PLXNC1: variants seen among roughly 807,000 people sequenced by gnomAD.
PLXNC1 encodes the protein plexin-C1.
In PLXNC1, 75 loss-of-function variants were observed where a neutral mutation model predicts 178.2. That is an observed-to-expected ratio of 0.42 (90% confidence interval 0.35 to 0.51). The LOEUF (loss-of-function observed/expected upper bound fraction) is 0.51, where lower values mean the gene tolerates loss of function less well. Among genes scored for constraint, PLXNC1 ranks in the 20% least tolerant of loss-of-function variants. PLXNC1 has a pLI of 0.02. For missense variants in PLXNC1, 1,503 were observed against 1,984.4 expected (o/e 0.76, Z 4.61); for synonymous variants, 790 against 779.9 (o/e 1.01, Z -0.22).
At chr12:94,256,387 G>A (rs1964840067) in intron 17 of PLXNC1, 1 of 152,080 alleles carries the variant, frequency 6.6e-6, no homozygotes, top group African/African-American at 2.4e-5. Flanking sequence ...ATATTTTTTG[G>A]TCCAAGCCTT....
At chr12:94,283,803 G>C (rs1247402255) in intron 23 of PLXNC1, among the ~76,000 whole-genome samples, 1 of 152,192 alleles carries the variant, frequency 6.6e-6, no homozygotes, top group Admixed American at 6.5e-5. Context: ...CAGGGTCTGG[G>C]CCAGGCGTGG....
At chr12:94,262,763 G>C in intron 20 of PLXNC1, 2 of 985,480 alleles carry the variant, frequency 2.0e-6, no homozygotes, top group Non-Finnish European at 2.4e-6. Context: ...GTGACCGCCA[G>C]GTAACTTTCC....
At chr12:94,194,355 T>A (rs1178000591) in intron 4 of PLXNC1, among the ~76,000 whole-genome samples, 1 of 152,210 alleles carries the variant, frequency 6.6e-6, no homozygotes, top group African/African-American at 2.4e-5. Flanking sequence ...AGGTCCCAAA[T>A]GCATTTTGCT....
At chr12:94,288,789 G>A (rs1379580808) in intron 23 of PLXNC1, among the ~76,000 whole-genome samples, 5 of 152,248 alleles carry the variant, frequency 3.3e-5, no homozygotes, top group Non-Finnish European at 5.9e-5. Flanking sequence ...ATATTGGCAC[G>A]TGGCTGCTGG....
intron 2 of PLXNC1, among the ~76,000 whole-genome samples, chr12:94,174,137 T>C (rs1309041716): frequency 1.3e-5 from 2 of 152,318 alleles, no homozygotes; most frequent in East Asian, 3.9e-4. Flanking sequence ...GGGCTCAGAC[T>C]GGTTACCTAT....
In PLXNC1 at chr12:94,294,145, GA is replaced by G. The variant is rs762378000; in HGVS notation, c.3880-339del. ...TTGCCTGACCTCTGCGAATTGGGGG[GA>G]ATGTCCTAACACAGCTCAGTCTTCC... On this transcript the variant is annotated intron_variant, in intron 23 of 30. Coordinates refer to ENST00000258526, the MANE Select transcript of PLXNC1 (RefSeq NM_005761.3). 3.3e-5 allele frequency among the ~76,000 whole-genome samples: 5 copies of G among 152,270 alleles called. No homozygotes were observed. In the East Asian group the frequency reaches 5.8e-4, roughly 18 times the overall value.
chr12:94,237,613 G>A (rs371917978), intron 9 of PLXNC1, 51 bp from the exon 10 acceptor site: 119 of 1,542,884 alleles, frequency 7.7e-5, no homozygotes, highest in Middle Eastern at 1.7e-4. Context: ...TTTTTGGAGC[G>A]ATGCCATTTC....
chr12:94,286,304 G>A (rs978127662), intron 23 of PLXNC1, among the ~76,000 whole-genome samples: 2 of 152,136 alleles, frequency 1.3e-5, no homozygotes, highest in African/African-American at 2.4e-5. Flanking sequence ...AAGGAAACGG[G>A]AGGTCATTGG....
intron 27 of PLXNC1, among the ~76,000 whole-genome samples, chr12:94,300,184 A>C (rs750619175): frequency 5.3e-5 from 8 of 152,214 alleles, no homozygotes; most frequent in Non-Finnish European, 8.8e-5. Flanking sequence ...ACAGACACTA[A>C]ATGCAATATG....
intron 21 of PLXNC1, among the ~76,000 whole-genome samples, chr12:94,265,999 C>T (rs1487960366): frequency 6.6e-6 from 1 of 152,126 alleles, no homozygotes; most frequent in Non-Finnish European, 1.5e-5. Flanking sequence ...GAAGAGATTG[C>T]TGTGTTTTGG....
intron 2 of PLXNC1, among the ~76,000 whole-genome samples, chr12:94,179,511 C>T (rs986464074): frequency 3.9e-5 from 6 of 152,166 alleles, no homozygotes; most frequent in Non-Finnish European, 8.8e-5. Context: ...GAGGCAGAGG[C>T]GAGCGGATCA....
chr12:94,241,530 C>T (rs570562629), intron 11 of PLXNC1, among the ~76,000 whole-genome samples: 10 of 152,312 alleles, frequency 6.6e-5, no homozygotes, highest in Non-Finnish European at 1.3e-4. Context: ...CCACCCTTCC[C>T]AGCCTCTGAT....
chr12:94,218,450 T>C (rs1481446367), intron 5 of PLXNC1, among the ~76,000 whole-genome samples: 1 of 152,174 alleles, frequency 6.6e-6, no homozygotes, highest in Non-Finnish European at 1.5e-5. Flanking sequence ...CCAGGTTGTC[T>C]AGACTATGGC....
At chr12:94,279,318 T>C (rs111954129) in intron 21 of PLXNC1, among the ~76,000 whole-genome samples, 154 bp from the exon 22 acceptor site, 2 of 152,232 alleles carry the variant, frequency 1.3e-5, no homozygotes, top group Admixed American at 6.5e-5. Flanking sequence ...GAATGGATTA[T>C]GGAGAAAAGA....
At chr12:94,187,905 G>A (rs1962579590) in intron 4 of PLXNC1, among the ~76,000 whole-genome samples, 1 of 152,074 alleles carries the variant, frequency 6.6e-6, no homozygotes, top group Non-Finnish European at 1.5e-5. Context: ...TGTTGATTGA[G>A]GAGAGAAGTT....
Position 94,282,394 on chromosome 12 carries a change from A to T in PLXNC1, c.3872A>T (p.His1291Leu). ...ATCACCAAGCTAAACACCATTGGCC[A>T]CTATGAGGTAAGAGCAAGACTTGAC... The part of the protein sequence containing the change: ...DGITKLNTIG[H>L]YEISNGSTIK... The change falls in exon 23 of 31, where the codon CAC (histidine) becomes CTC (leucine). Residue 1291 changes from histidine (H) to leucine (L), a missense_variant. By Grantham distance (99) the His-to-Leu change is moderately conservative (BLOSUM62 -3). This residue lies in a region of PLXNC1 where 639 missense variants were observed against 979.7 expected (regional missense o/e 0.65). Transcript: ENST00000258526. The T allele has an allele frequency of 6.2e-7, 1 of 1,605,280 alleles. No individual in the cohort carries two copies. The highest frequency in any genetic ancestry group is 8.5e-7 in the Non-Finnish European group (1 of 1,171,930).
At chr12:94,264,014 C>A (rs988103926) in intron 20 of PLXNC1, among the ~76,000 whole-genome samples, 1 of 152,156 alleles carries the variant, frequency 6.6e-6, no homozygotes, top group African/African-American at 2.4e-5. Context: ...GCTTGTCAAG[C>A]TTGACTCTTA....
chr12:94,275,242 A>G (rs996835322), intron 21 of PLXNC1, among the ~76,000 whole-genome samples: 3 of 152,218 alleles, frequency 2.0e-5, no homozygotes, highest in Non-Finnish European at 4.4e-5. Context: ...GAAATTTATC[A>G]TGAATTATCT....
intron 4 of PLXNC1, among the ~76,000 whole-genome samples, chr12:94,207,571 GA>G (rs1412222125): frequency 6.6e-6 from 1 of 152,214 alleles, no homozygotes; most frequent in African/African-American, 2.4e-5. Context: ...CATGCTGCCA[GA>G]CACTGAGGGA....
Sources: allele counts gnomAD v4.1 joint callset (sites outside exome capture counted in the v4.1 genomes callset), GRCh38; gene constraint gnomAD v4.1.1; regional missense constraint gnomAD v4.1.1; transcripts MANE v1.5; gene names NCBI Gene and HGNC (gene_info 2026-07-23, HGNC 2026-07-21).